Variants in FXN observed in about 807,000 individuals in gnomAD.
FXN encodes frataxin, mitochondrial.
Under a neutral mutation model 22.4 loss-of-function variants are expected in FXN, and 14 were observed. The ratio of observed to expected loss-of-function variants is 0.62; its 90% CI spans 0.41 to 0.98. The LOEUF (loss-of-function observed/expected upper bound fraction) is 0.98, where lower values mean the gene tolerates loss of function less well. Among genes scored for constraint, FXN ranks in the 50% least tolerant of loss-of-function variants. The pLI is 0.00. For synonymous variants in FXN, 120 were observed against 114.1 expected (o/e 1.05, Z -0.33); for missense variants, 267 against 268.4 (o/e 0.99, Z 0.04).
At chr9:69,064,803 G>C in intron 3 of FXN, 135 bp from the exon 4 acceptor site, 1 of 684,884 alleles carries the variant, frequency 1.5e-6, no homozygotes, top group Non-Finnish European at 2.7e-6. Context: ...AATACTAAAA[G>C]ACATTTCTTT....
intron 3 of FXN, among the ~76,000 whole-genome samples, chr9:69,063,019 G>A (rs1425692761): frequency 3.9e-5 from 6 of 151,990 alleles, no homozygotes. Context: ...TCAATATAGC[G>A]AGACCTCATC....
chr9:69,037,775 T>G (rs1209054431), intron 1 of FXN, among the ~76,000 whole-genome samples: 1 of 152,076 alleles, frequency 6.6e-6, no homozygotes, highest in Non-Finnish European at 1.5e-5. Context: ...TGGGTTCAAG[T>G]GATTCTCCTG....
At chr9:69,057,576 T>C (rs1831983051) in intron 3 of FXN, among the ~76,000 whole-genome samples, 1 of 152,214 alleles carries the variant, frequency 6.6e-6, no homozygotes, top group African/African-American at 2.4e-5. Context: ...GGCTGCCATC[T>C]ATAGTTTGGA....
chr9:69,071,715 TA>T (rs1394979844), intron 4 of FXN, among the ~76,000 whole-genome samples: 3 of 152,106 alleles, frequency 2.0e-5, no homozygotes, highest in African/African-American at 7.2e-5. Flanking sequence ...TTAAGAAAAA[TA>T]TGTTTTAAAA....
intron 1 of FXN, among the ~76,000 whole-genome samples, chr9:69,044,430 C>T (rs1460956392): frequency 4.6e-5 from 7 of 152,148 alleles, no homozygotes; most frequent in Non-Finnish European, 1.5e-5. Flanking sequence ...TCCCCCAGCC[C>T]GTTTCCTCCT....
intron 1 of FXN, among the ~76,000 whole-genome samples, chr9:69,044,446 T>C (rs1055137242): frequency 6.6e-6 from 1 of 152,150 alleles, no homozygotes; most frequent in Non-Finnish European, 1.5e-5. Context: ...CTCCTCCACT[T>C]ACTTCCCAGC....
intron 2 of FXN, among the ~76,000 whole-genome samples, chr9:69,047,592 G>T (rs1317996432): frequency 6.6e-6 from 1 of 152,152 alleles, no homozygotes; most frequent in African/African-American, 2.4e-5. Context: ...GCAGGCAGTG[G>T]GAAGTGTGCC....
At chr9:69,058,344 C>T (rs559684143) in intron 3 of FXN, among the ~76,000 whole-genome samples, 55 of 152,220 alleles carry the variant, frequency 3.6e-4, no homozygotes, top group African/African-American at 1.1e-3. Flanking sequence ...GTAAAATCTG[C>T]CTGGAGACTG....
At chr9:69,068,701 A>G (rs1832218077) in intron 4 of FXN, among the ~76,000 whole-genome samples, 1 of 152,220 alleles carries the variant, frequency 6.6e-6, no homozygotes, top group African/African-American at 2.4e-5. Flanking sequence ...GAAGGGGAGA[A>G]TCGGCCCAAG....
chr9:69,042,682 A>G (rs532022063), intron 1 of FXN, among the ~76,000 whole-genome samples: 2 of 151,524 alleles, frequency 1.3e-5, no homozygotes, highest in South Asian at 4.2e-4. Flanking sequence ...TCAAATCTCT[A>G]TTAAATTAAA....
chr9:69,036,610 A>C (rs1831555501), intron 1 of FXN, among the ~76,000 whole-genome samples: 1 of 152,176 alleles, frequency 6.6e-6, no homozygotes, highest in African/African-American at 2.4e-5. Flanking sequence ...CCTCTCTGAG[A>C]CGTGGCTTTG....
intron 1 of FXN, among the ~76,000 whole-genome samples, chr9:69,037,987 G>A (rs976716135): frequency 2.0e-5 from 3 of 152,180 alleles, no homozygotes; most frequent in Non-Finnish European, 4.4e-5. Context: ...AATGACAAGA[G>A]GTGGTACAGT....
At chr9:69,072,404 T>A (rs1291250035) in intron 4 of FXN, among the ~76,000 whole-genome samples, 1 of 152,228 alleles carries the variant, frequency 6.6e-6, no homozygotes, top group Non-Finnish European at 1.5e-5. Flanking sequence ...TTTCAGGTTT[T>A]GAGAATCATT....
In FXN at chr9:69,074,217, C is replaced by T. The variant is rs1198120152; in HGVS notation, c.*1455C>T. 6.7e-6 allele frequency: 6 copies of T among 902,180 alleles called. No homozygotes were observed. Among genetic ancestry groups the T allele is most frequent in the Non-Finnish European group, 6.6e-6 (5 of 755,086 alleles). The allele number at this position is 902,180 out of a possible 1,614,324, so 55.9% of individuals were successfully genotyped here. ...AATAACAATATAATAATAATAATAGCCATCCTTTATTGTACCCTTACTGGG... is the reference window on the plus strand; with the variant it reads ...AATAACAATATAATAATAATAATAGTCATCCTTTATTGTACCCTTACTGGG... On this transcript the variant is annotated 3_prime_UTR_variant, in exon 5 of 5. Coordinates refer to ENST00000484259, the MANE Select transcript of FXN (RefSeq NM_000144.5).
At chr9:69,051,716 T>C (rs1276980753) in intron 2 of FXN, among the ~76,000 whole-genome samples, 1 of 152,170 alleles carries the variant, frequency 6.6e-6, no homozygotes, top group Admixed American at 6.5e-5. Context: ...TAAATCTAAA[T>C]ATTAAAAAAA....
At chr9:69,036,399 TGCGCGCACGGGC>T (rs1439835208) in intron 1 of FXN, among the ~76,000 whole-genome samples, 4 of 152,248 alleles carry the variant, frequency 2.6e-5, no homozygotes, top group Non-Finnish European at 4.4e-5. Flanking sequence ...TGTGTGTGTT[TGCGCGCACGGGC>T]GCGCGCACAC....
chr9:69,065,933 G>A (rs1434246133), intron 4 of FXN, among the ~76,000 whole-genome samples: 1 of 152,188 alleles, frequency 6.6e-6, no homozygotes, highest in Non-Finnish European at 1.5e-5. Flanking sequence ...TGTGGAGGTG[G>A]TAGAGTGTTA....
chr9:69,052,176 C>T (rs541905701), intron 2 of FXN, among the ~76,000 whole-genome samples: 5 of 145,818 alleles, frequency 3.4e-5, no homozygotes, highest in East Asian at 2.0e-4. Context: ...TTTTTTGAGA[C>T]GGAGTCTCAC....
In FXN at chr9:69,076,986, C is replaced by T; in HGVS notation, c.*4224C>T. 1.2e-6 allele frequency: 1 copy of T among 822,424 alleles called. No individual in the cohort carries two copies. The highest frequency in any genetic ancestry group is 1.5e-6 in the Non-Finnish European group (1 of 681,220). 50.9% of individuals were successfully genotyped at this position (822,424 alleles called of 1,614,324 possible). On this transcript the variant is annotated 3_prime_UTR_variant, in exon 5 of 5. Transcript: ENST00000484259. ...CTGGAGTGCAGTGGCACGATCTGGG[C>T]TCACTACAACCTCCGCCTCCTGGGT...
Sources: allele counts gnomAD v4.1 joint callset (sites outside exome capture counted in the v4.1 genomes callset), GRCh38; gene constraint gnomAD v4.1.1; transcripts MANE v1.5; gene names NCBI Gene and HGNC (gene_info 2026-07-23, HGNC 2026-07-21).